The following DEPDC1B variants were observed in gnomAD, a reference collection of about 807,000 sequenced individuals.
DEPDC1B encodes the protein DEP domain containing 1B.
Under a neutral mutation model 66.5 loss-of-function variants are expected in DEPDC1B, and 51 were observed. That is an observed-to-expected ratio of 0.77 (90% CI 0.61 to 0.97). The LOEUF (loss-of-function observed/expected upper bound fraction) is 0.97, where lower values mean the gene tolerates loss of function less well. Ranked by LOEUF, DEPDC1B falls within the 50% of genes least tolerant of loss-of-function variation. The probability of loss-of-function intolerance (pLI) is 0.00; values close to 1 mark genes in which losing one functional copy is unlikely to be tolerated. For missense variants in DEPDC1B, 552 were observed against 637.1 expected (o/e 0.87, Z 1.44); for synonymous variants, 226 against 223.6 (o/e 1.01, Z -0.10).
chr5:60,667,350 C>A (rs564592766), intron 2 of DEPDC1B, among the ~76,000 whole-genome samples: 1 of 150,626 alleles, frequency 6.6e-6, no homozygotes, highest in South Asian at 2.1e-4. Context: ...ATCCAGAATA[C>A]ATATATATAT....
chr5:60,618,905 C>A (rs1752633635), intron 7 of DEPDC1B, among the ~76,000 whole-genome samples: 1 of 152,308 alleles, frequency 6.6e-6, no homozygotes, highest in East Asian at 1.9e-4. Context: ...TACTGGCAAA[C>A]CGAATCCAGC....
At chr5:60,622,198 C>A (rs995772877) in intron 7 of DEPDC1B, among the ~76,000 whole-genome samples, 8 of 152,092 alleles carry the variant, frequency 5.3e-5, no homozygotes, top group Non-Finnish European at 8.8e-5. Context: ...CTCTTCCGCC[C>A]CCCCAAAGAA....
In DEPDC1B at chr5:60,692,475, A is replaced by G. The variant is rs553258959; in HGVS notation, c.49-5248T>C. 1.6e-4 allele frequency among the ~76,000 whole-genome samples: 24 copies of G among 152,306 alleles called. No individual in the cohort carries two copies. The South Asian group carries it at 4.3e-3, about 28-fold the overall frequency. ...TTGTCAGTTTACAACTTACAAAACT[A>G]AAATTTTTTTTAGAGACCTAAAAAA... On this transcript the variant is annotated intron_variant, in intron 1 of 10. Coordinates refer to ENST00000265036, the MANE Select transcript of DEPDC1B (RefSeq NM_018369.3).
In DEPDC1B at chr5:60,664,321, G is replaced by A. The variant is rs556032332; in HGVS notation, c.315-16788C>T. Among the ~76,000 whole-genome samples, 10 of 152,346 alleles carry A rather than the reference G, an allele frequency of 6.6e-5. No homozygotes were observed. In the East Asian group the frequency reaches 1.7e-3, roughly 26 times the overall value. ...TTTACAGGTAGTGGCAGCAGTAGCA[G>A]TCTTAGTATCTAAAGCAGTTAAAAT... On this transcript the variant is annotated intron_variant, in intron 2 of 10. Coordinates refer to ENST00000265036, the MANE Select transcript of DEPDC1B (RefSeq NM_018369.3).
intron 1 of DEPDC1B, 47 bp from the exon 2 acceptor site, chr5:60,687,274 T>A: frequency 6.4e-7 from 1 of 1,556,366 alleles, no homozygotes; most frequent in East Asian, 2.3e-5. Context: ...CTGATTTTTT[T>A]AAGATTACTA....
rs1295119925 is a variant in DEPDC1B at position 60,597,361 on chromosome 5, G to A, written c.*392C>T. The A allele has an allele frequency of 4.9e-5, 8 of 164,192 alleles. No individual in the cohort carries two copies. The highest frequency in any genetic ancestry group is 3.5e-4 in the South Asian group (2 of 5,766). 10.2% of individuals were successfully genotyped at this position (164,192 alleles called of 1,614,324 possible). A position where few individuals can be genotyped will look rare whatever the true frequency, so the allele number is the denominator to read the frequency against. ...GTGTCTTTCTTATTCAAGTATACAC[G>A]CTATTTTTAAGACTTAAAATTAAGT... is the stretch of plus-strand genomic sequence containing the variant. On this transcript the variant is annotated 3_prime_UTR_variant, in exon 11 of 11. Coordinates refer to ENST00000265036, the MANE Select transcript of DEPDC1B (RefSeq NM_018369.3).
At chr5:60,617,078 A>C (rs1752574825) in intron 7 of DEPDC1B, among the ~76,000 whole-genome samples, 1 of 152,218 alleles carries the variant, frequency 6.6e-6, no homozygotes, top group Non-Finnish European at 1.5e-5. Flanking sequence ...TTTACAGACA[A>C]GCAAATGCTG....
intron 2 of DEPDC1B, among the ~76,000 whole-genome samples, chr5:60,683,835 C>T (rs77795374): frequency 8.6e-5 from 13 of 152,038 alleles, no homozygotes; most frequent in African/African-American, 2.2e-4. Context: ...TTTTCACAAA[C>T]GACATAAACT....
At chr5:60,607,535 A>G (rs1752335631) in intron 7 of DEPDC1B, among the ~76,000 whole-genome samples, 1 of 152,168 alleles carries the variant, frequency 6.6e-6, no homozygotes, top group African/African-American at 2.4e-5. Context: ...TGCAGTGAGG[A>G]ATAAAGCAAA....
intron 2 of DEPDC1B, among the ~76,000 whole-genome samples, chr5:60,676,140 C>T (rs1160748792): frequency 6.6e-6 from 1 of 151,932 alleles, no homozygotes; most frequent in Non-Finnish European, 1.5e-5. Context: ...CTGTGTTAGC[C>T]AGGATGGTCT....
chr5:60,599,993 C>T (rs562611559), intron 9 of DEPDC1B, among the ~76,000 whole-genome samples: 36 of 152,200 alleles, frequency 2.4e-4, no homozygotes, highest in African/African-American at 7.9e-4. Flanking sequence ...GAGCTGGTCT[C>T]GGCATTCCCT....
At chr5:60,651,555 A>G (rs1753455067) in intron 2 of DEPDC1B, among the ~76,000 whole-genome samples, 1 of 152,016 alleles carries the variant, frequency 6.6e-6, no homozygotes, top group African/African-American at 2.4e-5. Flanking sequence ...AAAACAAAAA[A>G]AAAACTAAAA....
intron 2 of DEPDC1B, among the ~76,000 whole-genome samples, chr5:60,656,517 G>A (rs1370186711): frequency 6.6e-6 from 1 of 152,092 alleles, no homozygotes; most frequent in Non-Finnish European, 1.5e-5. Flanking sequence ...GAGTACTGAA[G>A]TCCCCCACTG....
chr5:60,657,842 G>A (rs1753613765), intron 2 of DEPDC1B, among the ~76,000 whole-genome samples: 1 of 152,154 alleles, frequency 6.6e-6, no homozygotes, highest in Non-Finnish European at 1.5e-5. Context: ...TAGATCTCTG[G>A]CAAGGCCAGG....
At chr5:60,665,126 T>C (rs1340011787) in intron 2 of DEPDC1B, among the ~76,000 whole-genome samples, 1 of 152,162 alleles carries the variant, frequency 6.6e-6, no homozygotes, top group Admixed American at 6.5e-5. Flanking sequence ...ACCCCAGTAC[T>C]CAGCAGAAGA....
intron 1 of DEPDC1B, among the ~76,000 whole-genome samples, chr5:60,694,026 T>C (rs747052871): frequency 4.6e-5 from 7 of 152,166 alleles, no homozygotes; most frequent in Non-Finnish European, 7.4e-5. Flanking sequence ...TATCCACTAA[T>C]TGACCCAGTC....
chr5:60,621,005 T>C (rs1752687644), intron 7 of DEPDC1B, among the ~76,000 whole-genome samples: 1 of 152,022 alleles, frequency 6.6e-6, no homozygotes, highest in African/African-American at 2.4e-5. Flanking sequence ...TGGATGAAAC[T>C]GGAAACCATC....
rs756481886 is a variant in DEPDC1B, at chr5:60,687,084, G to A, written c.192C>T (p.Gly64=). ...CCGTTTGTTTGCGGGTCACTTCAGG[G>A]CCGAAGTTTTGACTGCACCTCAGCA... ...HELLRCSQNF[G]PEVTRKQTVQ... The change falls in exon 2 of 11, where the codon GGC becomes GGT. Residue 64 remains glycine, a synonymous_variant. Transcript: ENST00000265036. 56 of 1,614,026 alleles carry A rather than the reference G, an allele frequency of 3.5e-5. No individual in the cohort carries two copies. The highest frequency in any genetic ancestry group is 1.6e-4 in the Middle Eastern group (1 of 6,084).
At chr5:60,679,259 T>C (rs1461071017) in intron 2 of DEPDC1B, among the ~76,000 whole-genome samples, 1 of 152,224 alleles carries the variant, frequency 6.6e-6, no homozygotes, top group Non-Finnish European at 1.5e-5. Context: ...GATCTATATG[T>C]CTTTCACTTC....
Sources: gnomAD v4.1 joint callset for allele counts (sites outside exome capture counted in the v4.1 genomes callset) on GRCh38, gnomAD v4.1.1 for gene constraint, MANE v1.5 for transcripts, NCBI Gene and HGNC (gene_info 2026-07-23, HGNC 2026-07-21) for gene names.